The following DENND1A variants were observed in gnomAD, a reference collection of about 807,000 sequenced individuals.
The protein encoded by DENND1A is DENN domain-containing protein 1A.
Under a neutral mutation model 113.7 loss-of-function variants are expected in DENND1A, and 51 were observed. That is an observed-to-expected ratio of 0.45 (90% CI 0.36 to 0.57). The LOEUF (loss-of-function observed/expected upper bound fraction) is 0.57, where lower values mean the gene tolerates loss of function less well. Among genes scored for constraint, DENND1A ranks in the 20% least tolerant of loss-of-function variants. DENND1A has a pLI of 0.00. For synonymous variants in DENND1A, 565 were observed against 570.8 expected (o/e 0.99, Z 0.14); for missense variants, 1,258 against 1,395.9 (o/e 0.90, Z 1.57).
chr9:123,631,435 G>A (rs940129160), intron 9 of DENND1A, among the ~76,000 whole-genome samples: 1 of 152,174 alleles, frequency 6.6e-6, no homozygotes, highest in Non-Finnish European at 1.5e-5. Flanking sequence ...AATCACTGAT[G>A]AAATGCAAAG....
At chr9:123,525,349 T>C (rs2054740078) in intron 13 of DENND1A, among the ~76,000 whole-genome samples, 1 of 152,186 alleles carries the variant, frequency 6.6e-6, no homozygotes, top group African/African-American at 2.4e-5. Context: ...AGTGGGAAGA[T>C]GACTACAAGG....
intron 2 of DENND1A, among the ~76,000 whole-genome samples, chr9:123,853,764 G>T (rs1203973397): frequency 6.6e-6 from 1 of 152,044 alleles, no homozygotes; most frequent in African/African-American, 2.4e-5. Context: ...ACACAATAAG[G>T]GCTCAATGAC....
At chr9:123,412,156 C>T (rs1050012132) in intron 19 of DENND1A, among the ~76,000 whole-genome samples, 1 of 152,242 alleles carries the variant, frequency 6.6e-6, no homozygotes, top group African/African-American at 2.4e-5. Context: ...CTCATGCCCC[C>T]TCCTGTCCTT....
rs1421810414 is a variant in DENND1A, at chr9:123,380,734, T to C, written c.*698A>G. The stretch of plus-strand genomic sequence containing the variant: ...CCATTTTCCTTCTATAAATCAAAGT[T>C]GCTGGTGCTCGCAGCCCCCGTGCAG... On this transcript the variant is annotated 3_prime_UTR_variant, in exon 24 of 24. Coordinates refer to ENST00000394215, the MANE Select transcript of DENND1A (RefSeq NM_001352964.2). 6.6e-6 allele frequency: 1 copy of C among 152,592 alleles called. No individual in the cohort carries two copies. The highest frequency in any genetic ancestry group is 1.5e-5 in the Non-Finnish European group (1 of 68,072). The allele number at this position is 152,592 out of a possible 1,614,324, so 9.5% of individuals were successfully genotyped here. A position where few individuals can be genotyped will look rare whatever the true frequency, so the allele number is the denominator to read the frequency against.
chr9:123,443,718 G>A (rs1588556192), intron 18 of DENND1A, among the ~76,000 whole-genome samples: 2 of 152,372 alleles, frequency 1.3e-5, no homozygotes, highest in South Asian at 4.1e-4. Context: ...ACTTTAGGGG[G>A]TCGAGGTGGA....
chr9:123,821,267 T>C, intron 2 of DENND1A, among the ~76,000 whole-genome samples: 1 of 152,292 alleles, frequency 6.6e-6, no homozygotes, highest in East Asian at 1.9e-4. Context: ...TAGACTGAAA[T>C]ATAATAAAGT....
intron 2 of DENND1A, among the ~76,000 whole-genome samples, chr9:123,840,156 A>T (rs73669003): frequency 0.011 from 1,738 of 151,918 alleles, 34 homozygotes; most frequent in African/African-American, 0.04. Flanking sequence ...ACTCAAAAAA[A>T]ATTTTTTTAA....
intron 1 of DENND1A, among the ~76,000 whole-genome samples, chr9:123,880,793 G>T (rs1310186261): frequency 6.6e-6 from 1 of 152,082 alleles, no homozygotes; most frequent in Admixed American, 6.5e-5. Flanking sequence ...TATTTCACTC[G>T]ATTCTAGAAT....
intron 19 of DENND1A, among the ~76,000 whole-genome samples, chr9:123,420,410 G>A (rs903758433): frequency 5.3e-5 from 8 of 152,074 alleles, no homozygotes; most frequent in African/African-American, 1.2e-4. Flanking sequence ...CTCCAGAGGC[G>A]CCACCTGCGA....
intron 5 of DENND1A, among the ~76,000 whole-genome samples, chr9:123,718,651 G>C (rs1365448677): frequency 6.6e-6 from 1 of 152,164 alleles, no homozygotes; most frequent in Non-Finnish European, 1.5e-5. Flanking sequence ...AAGAACACTG[G>C]AACGATTCTC....
chr9:123,744,770 CTTTTTTT>C lies in DENND1A; in HGVS notation c.302+12926_302+12932del, dbSNP rs57945475. On this transcript the variant is annotated intron_variant, in intron 5 of 23. Transcript: ENST00000394215. ...CCAATATTCTTTACTTATATTAGCT[CTTTTTTT>C]TTTTTTTTTTTTTTTGACACAGAGT... Among the ~76,000 whole-genome samples, 408 of 102,708 alleles carry C rather than the reference CTTTTTTT, an allele frequency of 4.0e-3. 1 individual carries two copies. The highest frequency in any genetic ancestry group is 0.015 in the African/African-American group (395 of 26,774). 67.4% of individuals were successfully genotyped at this position (102,708 alleles called of 152,430 possible).
At chr9:123,611,660 C>T (rs1297761138) in intron 10 of DENND1A, among the ~76,000 whole-genome samples, 1 of 152,146 alleles carries the variant, frequency 6.6e-6, no homozygotes, top group East Asian at 1.9e-4. Flanking sequence ...ATGCAATTGA[C>T]CAGTGACCAT....
intron 13 of DENND1A, among the ~76,000 whole-genome samples, chr9:123,523,813 C>T (rs1031824915): frequency 1.3e-5 from 2 of 152,204 alleles, no homozygotes; most frequent in African/African-American, 4.8e-5. Context: ...ATGCAGAAAG[C>T]ACCTCGGTCT....
At chr9:123,792,743 G>C (rs1379694011) in intron 2 of DENND1A, 113 bp from the exon 3 acceptor site, 9 of 1,190,530 alleles carry the variant, frequency 7.6e-6, no homozygotes, top group Middle Eastern at 2.0e-4. Flanking sequence ...GGATCCAAGG[G>C]GGGCAGCTGA....
intron 13 of DENND1A, among the ~76,000 whole-genome samples, chr9:123,533,008 A>C (rs541167149): frequency 6.6e-6 from 1 of 152,250 alleles, no homozygotes; most frequent in Non-Finnish European, 1.5e-5. Context: ...TCATGCACAC[A>C]AGTACACATA....
At chr9:123,455,330 C>T (rs984365036) in intron 15 of DENND1A, among the ~76,000 whole-genome samples, 2 of 152,228 alleles carry the variant, frequency 1.3e-5, no homozygotes, top group Non-Finnish European at 2.9e-5. Context: ...CTCCTCCAGT[C>T]GCGCCTCACG....
chr9:123,878,857 A>G, intron 2 of DENND1A, 94 bp downstream of exon 2: 2 of 1,270,278 alleles, frequency 1.6e-6, no homozygotes, highest in Middle Eastern at 1.9e-4. Context: ...TTAAAGACAA[A>G]TAACAATTTA....
chr9:123,674,342 T>TCTCTCTCACACACACACA (rs36033303), intron 6 of DENND1A, among the ~76,000 whole-genome samples: 2 of 132,376 alleles, frequency 1.5e-5, no homozygotes, highest in African/African-American at 5.7e-5. Flanking sequence ...TGTCTCTCTC[T>TCTCTCTCACACACACACA]CACACACACA....
intron 9 of DENND1A, among the ~76,000 whole-genome samples, chr9:123,648,431 C>A (rs2062458924): frequency 6.6e-6 from 1 of 152,298 alleles, no homozygotes; most frequent in Non-Finnish European, 1.5e-5. Flanking sequence ...GGTTGAGTAT[C>A]TTTCCATACA....
Sources: allele counts gnomAD v4.1 joint callset (sites outside exome capture counted in the v4.1 genomes callset), GRCh38; gene constraint gnomAD v4.1.1; transcripts MANE v1.5; gene names NCBI Gene and HGNC (gene_info 2026-07-23, HGNC 2026-07-21).